Variants in TEK observed in about 807,000 individuals in gnomAD.
The protein encoded by TEK is TEK receptor tyrosine kinase.
In TEK, 43 loss-of-function variants were observed where a neutral mutation model predicts 131.8. That is an observed-to-expected ratio of 0.33 (90% CI 0.26 to 0.42). TEK has a LOEUF of 0.42. Among genes scored for constraint, TEK ranks in the 10% least tolerant of loss-of-function variants. TEK has a pLI of 1.00. For missense variants in TEK, 1,162 were observed against 1,384.4 expected (o/e 0.84, Z 2.55); for synonymous variants, 580 against 491.6 (o/e 1.18, Z -2.38).
At chr9:27,160,900 T>C (rs1823522056) in intron 2 of TEK, among the ~76,000 whole-genome samples, 2 of 152,184 alleles carry the variant, frequency 1.3e-5, no homozygotes, top group Admixed American at 1.3e-4. Context: ...AGCTCTATTA[T>C]TTTTCACATG....
At chr9:27,110,420 C>T (rs191147036) in intron 1 of TEK, among the ~76,000 whole-genome samples, 34 of 152,210 alleles carry the variant, frequency 2.2e-4, no homozygotes, top group Non-Finnish European at 4.1e-4. Context: ...TAGTGGTGTG[C>T]CTCTGTAGCT....
chr9:27,221,145 A>AAGTC (rs1826057414), intron 21 of TEK, among the ~76,000 whole-genome samples: 1 of 152,156 alleles, frequency 6.6e-6, no homozygotes, highest in African/African-American at 2.4e-5. Context: ...AATGTAAAAA[A>AAGTC]AGTCACAGGG....
chr9:27,154,808 G>A (rs1000463239), intron 1 of TEK, among the ~76,000 whole-genome samples: 10 of 152,110 alleles, frequency 6.6e-5, no homozygotes, highest in South Asian at 2.1e-4. Context: ...CAAGGGTAGC[G>A]AAGTATAGTC....
intron 2 of TEK, 99 bp downstream of exon 2, chr9:27,158,241 C>G: frequency 1.5e-6 from 2 of 1,335,248 alleles, no homozygotes; most frequent in South Asian, 2.4e-5. Context: ...CATGCACTAC[C>G]TGAATGTAGA....
chr9:27,181,269 A>T (rs1028869849), intron 7 of TEK, among the ~76,000 whole-genome samples: 4 of 152,262 alleles, frequency 2.6e-5, no homozygotes, highest in African/African-American at 7.2e-5. Flanking sequence ...CCTTCATGAC[A>T]TACCTTTTTC....
At chr9:27,138,399 G>T (rs1259495416) in intron 1 of TEK, among the ~76,000 whole-genome samples, 1 of 152,156 alleles carries the variant, frequency 6.6e-6, no homozygotes. Context: ...ACAGAGTGCT[G>T]ATTGGTCCAT....
chr9:27,150,095 A>G (rs905804968), intron 1 of TEK, among the ~76,000 whole-genome samples: 3 of 152,014 alleles, frequency 2.0e-5, no homozygotes, highest in East Asian at 1.9e-4. Context: ...TCTTCCCCCA[A>G]TTTCTACCAA....
At chr9:27,137,364 C>G (rs1488451889) in intron 1 of TEK, among the ~76,000 whole-genome samples, 1 of 152,108 alleles carries the variant, frequency 6.6e-6, no homozygotes, top group African/African-American at 2.4e-5. Context: ...AAATAATTTG[C>G]TAATATTTTA....
intron 1 of TEK, among the ~76,000 whole-genome samples, chr9:27,137,564 CT>C (rs1291732850): frequency 2.0e-5 from 3 of 152,056 alleles, no homozygotes; most frequent in African/African-American, 7.2e-5. Flanking sequence ...AGGCTTTTTA[CT>C]TTTTGAGTTC....
chr9:27,224,863 G>T (rs1193507898), intron 21 of TEK, among the ~76,000 whole-genome samples: 1 of 152,134 alleles, frequency 6.6e-6, no homozygotes, highest in Non-Finnish European at 1.5e-5. Flanking sequence ...AAACCCCATT[G>T]TCTCAGCCCA....
chr9:27,206,011 C>T (rs1280079646), intron 14 of TEK, among the ~76,000 whole-genome samples: 1 of 152,142 alleles, frequency 6.6e-6, no homozygotes, highest in Non-Finnish European at 1.5e-5. Flanking sequence ...ATGGTAGCAC[C>T]AGCAGCTATT....
At chr9:27,177,602 TAGTC>T (rs1259066541) in intron 6 of TEK, among the ~76,000 whole-genome samples, 1 of 152,122 alleles carries the variant, frequency 6.6e-6, no homozygotes, top group African/African-American at 2.4e-5. Context: ...AATACAGAAT[TAGTC>T]AGGCACGGTG....
chr9:27,174,018 C>T (rs1466881965), intron 6 of TEK, among the ~76,000 whole-genome samples: 2 of 151,956 alleles, frequency 1.3e-5, no homozygotes, highest in South Asian at 2.1e-4. Context: ...TCTTACCTGC[C>T]GTGGACCTTA....
At chr9:27,171,785 A>G (rs1007427330) in intron 4 of TEK, among the ~76,000 whole-genome samples, 2 of 152,214 alleles carry the variant, frequency 1.3e-5, no homozygotes, top group African/African-American at 2.4e-5. Flanking sequence ...CTTGCCTCAC[A>G]GCTACCTTTA....
At chr9:27,166,871 T>A (rs1823750544) in intron 2 of TEK, among the ~76,000 whole-genome samples, 1 of 152,200 alleles carries the variant, frequency 6.6e-6, no homozygotes, top group Non-Finnish European at 1.5e-5. Context: ...ATCCTATCTT[T>A]TCCACACCAT....
At chr9:27,202,129 A>G (rs760741987) in intron 12 of TEK, among the ~76,000 whole-genome samples, 13 of 152,196 alleles carry the variant, frequency 8.5e-5, no homozygotes, top group Non-Finnish European at 1.9e-4. Context: ...TCATCTTCAC[A>G]TGTGGAAAAC....
chr9:27,152,424 A>G (rs67930667), intron 1 of TEK, among the ~76,000 whole-genome samples: 20,489 of 151,766 alleles, frequency 0.14, 1,848 homozygotes, highest in South Asian at 0.29. Flanking sequence ...AAAAAAAAAA[A>G]AAGCTAATTG....
At chr9:27,120,016 T>C (rs1287034816) in intron 1 of TEK, among the ~76,000 whole-genome samples, 4 of 152,196 alleles carry the variant, frequency 2.6e-5, no homozygotes, top group Admixed American at 6.5e-5. Flanking sequence ...TTGTGTCCAA[T>C]ACCCCTTGCA....
chr9:27,172,561 G>A, intron 4 of TEK, 55 bp from the exon 5 acceptor site: 1 of 1,607,482 alleles, frequency 6.2e-7, no homozygotes, highest in Admixed American at 1.7e-5. Flanking sequence ...GCTCAATAAA[G>A]ATGTGTTGAG....
Sources: allele counts gnomAD v4.1 joint callset (sites outside exome capture counted in the v4.1 genomes callset), GRCh38; gene constraint gnomAD v4.1.1; transcripts MANE v1.5; gene names NCBI Gene and HGNC (gene_info 2026-07-23, HGNC 2026-07-21).